The following PDZK1IP1 variants were observed in gnomAD, a reference collection of about 807,000 sequenced individuals.
PDZK1IP1 encodes the protein PDZK1-interacting protein 1.
In PDZK1IP1, 9 loss-of-function variants were observed where a neutral mutation model predicts 14.7. That is an observed-to-expected ratio of 0.61 (90% CI 0.37 to 1.07). The LOEUF (loss-of-function observed/expected upper bound fraction) is 1.07. PDZK1IP1 is among the 50% of genes least tolerant of loss of function. The pLI, the probability that PDZK1IP1 is intolerant of heterozygous loss-of-function variation, is 0.01. For synonymous variants in PDZK1IP1, 70 were observed against 61.2 expected (o/e 1.14, Z -0.67); for missense variants, 152 against 148.7 (o/e 1.02, Z -0.11).
chr1:47,185,102 G>A lies in PDZK1IP1; in HGVS notation c.177-5C>T. On this transcript the variant is annotated splice_polypyrimidine_tract_variant and splice_region_variant and intron_variant, in intron 2 of 3. Coordinates refer to ENST00000294338, the MANE Select transcript of PDZK1IP1 (RefSeq NM_005764.4). ...AGGATCATGTGTGCAGGCTCCCTGG[G>A]GATGGGATTCATCAGTGGGGCTCCT... is the stretch of plus-strand genomic sequence containing the variant. The A allele has an allele frequency of 1.9e-6, 3 of 1,612,042 alleles. No homozygotes were observed. Among genetic ancestry groups the A allele is most frequent in the South Asian group, 2.2e-5 (2 of 91,048 alleles).
At chr1:47,185,566 C>T (rs904198193) in intron 2 of PDZK1IP1, among the ~76,000 whole-genome samples, 2 of 152,168 alleles carry the variant, frequency 1.3e-5, no homozygotes, top group Non-Finnish European at 2.9e-5. Context: ...TCCCTGAAGC[C>T]TCCCAGAAGC....
intron 2 of PDZK1IP1, 117 bp from the exon 3 acceptor site, chr1:47,185,214 T>C: frequency 3.9e-6 from 3 of 772,396 alleles, no homozygotes; most frequent in Non-Finnish European, 6.8e-6. Flanking sequence ...TTCCCAGAGC[T>C]GTGTGCAACA....
intron 3 of PDZK1IP1, 47 bp from the exon 4 acceptor site, chr1:47,184,090 C>T (rs771730125): frequency 1.4e-6 from 2 of 1,382,238 alleles, no homozygotes; most frequent in East Asian, 2.4e-5. Flanking sequence ...TCCTCCCATT[C>T]TATCCCCTTC....
At position 47,187,306 on chromosome 1, in the gene PDZK1IP1, G is replaced by A. The variant is rs1645325797; in HGVS notation, c.176+13C>T. 6.3e-7 allele frequency: 1 copy of A among 1,598,042 alleles called. No individual in the cohort carries two copies. Among genetic ancestry groups the A allele is most frequent in the Non-Finnish European group, 8.6e-7 (1 of 1,166,648 alleles). Reference sequence around the variant, plus strand: ...CCACCCTGCCTGCTCAGGGACCCTTGGGCAGCACTCACGGCTCCTCCTGGC... The same window carrying A: ...CCACCCTGCCTGCTCAGGGACCCTTAGGCAGCACTCACGGCTCCTCCTGGC... On this transcript the variant is annotated intron_variant, in intron 2 of 3. Coordinates refer to ENST00000294338, the MANE Select transcript of PDZK1IP1 (RefSeq NM_005764.4).
At chr1:47,184,209 G>A (rs1645301982) in intron 3 of PDZK1IP1, among the ~76,000 whole-genome samples, 166 bp from the exon 4 acceptor site, 1 of 151,674 alleles carries the variant, frequency 6.6e-6, no homozygotes, top group African/African-American at 2.4e-5. Context: ...CGAGACTGGA[G>A]GCCTCTCAGC....
rs183333562 is a variant in PDZK1IP1, at chr1:47,187,476, A to T, written c.68-49T>A. The T allele has an allele frequency of 8.0e-4, 1,181 of 1,467,804 alleles. 7 individuals are homozygous for T. In the African/African-American group the frequency reaches 0.015, roughly 18 times the overall value. The allele number at this position is 1,467,804 out of a possible 1,614,324, so 90.9% of individuals were successfully genotyped here. ...GCAGACGGGGCCACAGTGGGGCTGCATGTGCAGGAGAGCGAGGGGCCTCAC... is the reference window on the plus strand; with the variant it reads ...GCAGACGGGGCCACAGTGGGGCTGCTTGTGCAGGAGAGCGAGGGGCCTCAC... On this transcript the variant is annotated intron_variant, in intron 1 of 3. Coordinates refer to ENST00000294338, the MANE Select transcript of PDZK1IP1 (RefSeq NM_005764.4).
intron 2 of PDZK1IP1, among the ~76,000 whole-genome samples, chr1:47,187,001 C>G (rs1197233677): frequency 6.6e-6 from 1 of 152,206 alleles, no homozygotes; most frequent in Non-Finnish European, 1.5e-5. Context: ...CCATCACAGG[C>G]TGGGCCGCTA....
At chr1:47,187,080 G>A (rs975811412) in intron 2 of PDZK1IP1, among the ~76,000 whole-genome samples, 10 of 152,214 alleles carry the variant, frequency 6.6e-5, no homozygotes, top group African/African-American at 2.4e-4. Context: ...CAGGGAGTGG[G>A]CACCAGAGCT....
intron 3 of PDZK1IP1, among the ~76,000 whole-genome samples, 160 bp downstream of exon 3, chr1:47,184,842 C>A (rs986415281): frequency 4.6e-5 from 7 of 151,456 alleles, no homozygotes; most frequent in Admixed American, 6.6e-5. Context: ...TGCATTTTCC[C>A]CACAGAGCCC....
intron 1 of PDZK1IP1, among the ~76,000 whole-genome samples, chr1:47,189,135 T>C (rs895430993): frequency 7.7e-6 from 1 of 130,530 alleles, no homozygotes. Flanking sequence ...CAGACACACA[T>C]AAGAGCTCGG....
chr1:47,186,767 T>A (rs1328656015), intron 2 of PDZK1IP1, among the ~76,000 whole-genome samples: 1 of 152,188 alleles, frequency 6.6e-6, no homozygotes, highest in Non-Finnish European at 1.5e-5. Flanking sequence ...TTAGTCAGGT[T>A]TCGGGATAAA....
chr1:47,184,114 C>T (rs1645301456), intron 3 of PDZK1IP1, 71 bp from the exon 4 acceptor site: 1 of 1,179,968 alleles, frequency 8.5e-7, no homozygotes, highest in South Asian at 1.3e-5. Flanking sequence ...CTGCCCCTTC[C>T]TGCACTTGTG....
rs1032109747 is a variant in PDZK1IP1 at position 47,187,969 on chromosome 1, G to T, written c.68-542C>A. ...ACTCTCAGGGCTGCTCAGCTGGGGA[G>T]ATCTGGGGTGCCTGGGGTACCCAGA... On this transcript the variant is annotated intron_variant, in intron 1 of 3. Transcript: ENST00000294338. Among the ~76,000 whole-genome samples, 6 of 152,334 alleles carry T rather than the reference G, an allele frequency of 3.9e-5. No homozygotes were observed. In the East Asian group the frequency reaches 1.2e-3, roughly 29 times the overall value.
At chr1:47,186,071 G>A (rs1475408270) in intron 2 of PDZK1IP1, among the ~76,000 whole-genome samples, 1 of 152,188 alleles carries the variant, frequency 6.6e-6, no homozygotes, top group Non-Finnish European at 1.5e-5. Flanking sequence ...AGCACTTTGA[G>A]AGGCTGAGGC....
At chr1:47,186,508 A>T (rs1328391884) in intron 2 of PDZK1IP1, among the ~76,000 whole-genome samples, 1 of 152,112 alleles carries the variant, frequency 6.6e-6, no homozygotes, top group African/African-American at 2.4e-5. Context: ...TGGGGCTAGC[A>T]CTCAAGCCAC....
rs1030048818 is a variant in PDZK1IP1, at chr1:47,183,874, T to C, written c.*97A>G. 1 of 1,036,954 alleles carries C rather than the reference T, an allele frequency of 9.6e-7. No individual in the cohort carries two copies. The highest frequency in any genetic ancestry group is 1.4e-5 in the South Asian group (1 of 71,142). 64.2% of individuals were successfully genotyped at this position (1,036,954 alleles called of 1,614,324 possible). ...GGGGCTGGAGGGAGTCAGCCCACTATTGCAGATTCCACACAAAGAAGGAGG... is the reference window on the plus strand; with the variant it reads ...GGGGCTGGAGGGAGTCAGCCCACTACTGCAGATTCCACACAAAGAAGGAGG... On this transcript the variant is annotated 3_prime_UTR_variant, in exon 4 of 4. Transcript: ENST00000294338.
At chr1:47,189,830 G>C in intron 1 of PDZK1IP1, 36 bp downstream of exon 1, 1 of 1,531,214 alleles carries the variant, frequency 6.5e-7, no homozygotes, top group South Asian at 1.2e-5. Flanking sequence ...GTCCACCCCT[G>C]GGTCTCCCGT....
chr1:47,187,462 C>A (rs1024248149), intron 1 of PDZK1IP1, 35 bp from the exon 2 acceptor site: 1 of 1,531,676 alleles, frequency 6.5e-7, no homozygotes. Flanking sequence ...CAGACGGGGC[C>A]ACAGTGGGGC....
chr1:47,188,548 T>TG (rs1645333801), intron 1 of PDZK1IP1, among the ~76,000 whole-genome samples: 1 of 152,156 alleles, frequency 6.6e-6, no homozygotes, highest in Non-Finnish European at 1.5e-5. Flanking sequence ...TATACCTGCA[T>TG]CCCTATATTT....
Sources: gnomAD v4.1 joint callset for allele counts (sites outside exome capture counted in the v4.1 genomes callset) on GRCh38, gnomAD v4.1.1 for gene constraint, MANE v1.5 for transcripts, NCBI Gene and HGNC (gene_info 2026-07-23, HGNC 2026-07-21) for gene names.